The following FRMD4A variants were observed in gnomAD, a reference collection of about 807,000 sequenced individuals.
FRMD4A encodes the protein FERM domain-containing protein 4A.
A neutral mutation model predicts 129.1 loss-of-function variants in FRMD4A; 29 were observed. The ratio of observed to expected loss-of-function variants is 0.22; its 90% CI spans 0.17 to 0.31. The LOEUF (loss-of-function observed/expected upper bound fraction) is 0.31, where lower values mean the gene tolerates loss of function less well. FRMD4A is among the 10% of genes least tolerant of loss of function. The pLI is 1.00. For missense variants in FRMD4A, 1,272 were observed against 1,375.8 expected, an observed-to-expected ratio of 0.92 and a Z score of 1.19; for synonymous variants, 634 against 571.6, an observed-to-expected ratio of 1.11 and a Z score of -1.56.
intron 2 of FRMD4A, among the ~76,000 whole-genome samples, chr10:14,299,435 T>C (rs921868740): frequency 2.6e-5 from 4 of 152,162 alleles, no homozygotes; most frequent in Admixed American, 1.3e-4. Context: ...GGGTACCTGC[T>C]ATAGCCTGGT....
chr10:13,659,440 C>T lies in FRMD4A; in HGVS notation c.1949G>A (p.Gly650Glu). The change falls in exon 21 of 25, where the codon GGA becomes GAA. Residue 650 changes from glycine to glutamate, a missense_variant. Physicochemically the swap from Gly to Glu is moderately conservative, Grantham distance 98 (BLOSUM62 -2). Coordinates refer to ENST00000357447, the MANE Select transcript of FRMD4A (RefSeq NM_018027.5). Reference protein sequence around the residue: ...STGSCAEAGGGSNSLQNSPIR... With the variant: ...STGSCAEAGGESNSLQNSPIR... ...GGGGCTGTTCTGCAAGGAGTTGCTTCCTCCGCCGGCTTCCGCACAGCTTCC... is the reference window on the plus strand; with the variant it reads ...GGGGCTGTTCTGCAAGGAGTTGCTTTCTCCGCCGGCTTCCGCACAGCTTCC... 6.2e-7 allele frequency: 1 copy of T among 1,613,912 alleles called. No homozygotes were observed. The highest frequency in any genetic ancestry group is 1.1e-5 in the South Asian group (1 of 91,060).
chr10:14,185,645 A>T (rs550176761), intron 2 of FRMD4A, among the ~76,000 whole-genome samples: 1 of 152,220 alleles, frequency 6.6e-6, no homozygotes, highest in African/African-American at 2.4e-5. Flanking sequence ...AGAGAGCTGC[A>T]GGGGCGGTTG....
intron 2 of FRMD4A, among the ~76,000 whole-genome samples, chr10:14,173,028 GA>G (rs78851300): frequency 4.0e-5 from 6 of 150,750 alleles, no homozygotes; most frequent in East Asian, 2.0e-4. Flanking sequence ...TAACCAGCAG[GA>G]AAAAAAAATG....
chr10:13,693,471 G>C (rs1018020745), intron 15 of FRMD4A: 2 of 1,125,760 alleles, frequency 1.8e-6, no homozygotes, highest in African/African-American at 1.7e-5. Flanking sequence ...TTAAAAGCCG[G>C]AGAAACCCAC....
intron 2 of FRMD4A, among the ~76,000 whole-genome samples, chr10:14,260,192 C>G (rs1431149730): frequency 6.6e-6 from 1 of 152,162 alleles, no homozygotes; most frequent in Non-Finnish European, 1.5e-5. Flanking sequence ...CAGACCCCAG[C>G]ATGCCATGAT....
intron 2 of FRMD4A, among the ~76,000 whole-genome samples, chr10:14,269,149 G>C (rs1462860110): frequency 1.3e-5 from 2 of 152,172 alleles, no homozygotes; most frequent in Non-Finnish European, 2.9e-5. Flanking sequence ...TATTCCTGGA[G>C]TAGTAAAGGC....
chr10:13,781,564 G>A (rs2092736471), intron 6 of FRMD4A, among the ~76,000 whole-genome samples: 1 of 151,810 alleles, frequency 6.6e-6, no homozygotes, highest in Non-Finnish European at 1.5e-5. Context: ...TTTTAATAGA[G>A]ATGGGGTTCC....
At chr10:14,109,350 T>G (rs1453132070) in intron 2 of FRMD4A, among the ~76,000 whole-genome samples, 2 of 152,336 alleles carry the variant, frequency 1.3e-5, no homozygotes, top group Middle Eastern at 3.4e-3. Flanking sequence ...ATTTCCAGTT[T>G]GTTTCACTGT....
intron 2 of FRMD4A, among the ~76,000 whole-genome samples, chr10:14,075,353 C>A (rs1010666951): frequency 1.3e-5 from 2 of 152,198 alleles, no homozygotes; most frequent in Non-Finnish European, 2.9e-5. Context: ...ACCTCCACAA[C>A]CATGTTTAAC....
chr10:14,117,438 C>A (rs766214083), intron 2 of FRMD4A, among the ~76,000 whole-genome samples: 12 of 152,244 alleles, frequency 7.9e-5, no homozygotes, highest in Non-Finnish European at 1.5e-4. Flanking sequence ...CTAGCAGGAG[C>A]CCCATTTCCT....
chr10:14,160,045 G>A (rs1249386788), intron 2 of FRMD4A, among the ~76,000 whole-genome samples: 1 of 151,864 alleles, frequency 6.6e-6, no homozygotes, highest in African/African-American at 2.4e-5. Flanking sequence ...GCAAGACTCC[G>A]TCTCCAAAAA....
chr10:13,898,205 T>A (rs2094780059), intron 2 of FRMD4A, among the ~76,000 whole-genome samples: 1 of 151,918 alleles, frequency 6.6e-6, no homozygotes, highest in Non-Finnish European at 1.5e-5. Context: ...AAAGCCAGTC[T>A]CTACTAAAAA....
At chr10:13,868,805 C>CA (rs1478938602) in intron 2 of FRMD4A, among the ~76,000 whole-genome samples, 2 of 152,026 alleles carry the variant, frequency 1.3e-5, no homozygotes, top group South Asian at 4.2e-4. Context: ...TCTCAAAAAA[C>CA]AAAAAACAAA....
chr10:14,054,763 C>T (rs891629604), intron 2 of FRMD4A, among the ~76,000 whole-genome samples: 1 of 152,170 alleles, frequency 6.6e-6, no homozygotes, highest in African/African-American at 2.4e-5. Flanking sequence ...TGGGAGGGAC[C>T]TCGTGGGAGG....
chr10:13,998,197 G>A (rs1363217547), intron 2 of FRMD4A, among the ~76,000 whole-genome samples: 2 of 152,060 alleles, frequency 1.3e-5, no homozygotes, highest in Non-Finnish European at 2.9e-5. Context: ...TAGTCCTCTA[G>A]CTTTAAATGC....
chr10:14,271,898 G>T (rs1845174566), intron 2 of FRMD4A, among the ~76,000 whole-genome samples: 1 of 152,160 alleles, frequency 6.6e-6, no homozygotes, highest in African/African-American at 2.4e-5. Context: ...CGGCATTTAT[G>T]AAGTCTTATC....
At chr10:14,235,438 G>A (rs937177187) in intron 2 of FRMD4A, among the ~76,000 whole-genome samples, 8 of 151,994 alleles carry the variant, frequency 5.3e-5, no homozygotes, top group Non-Finnish European at 8.8e-5. Flanking sequence ...GTGAGCCACC[G>A]CGCCCGGCCG....
chr10:13,712,685 C>T (rs905677389), intron 12 of FRMD4A, among the ~76,000 whole-genome samples: 5 of 152,152 alleles, frequency 3.3e-5, no homozygotes, highest in Admixed American at 6.6e-5. Flanking sequence ...CTAGACTTGC[C>T]GTGACTCCCA....
At chr10:13,801,875 G>GTC (rs2093261982) in intron 4 of FRMD4A, among the ~76,000 whole-genome samples, 1 of 152,118 alleles carries the variant, frequency 6.6e-6, no homozygotes, top group South Asian at 2.1e-4. Context: ...GATGGAATGG[G>GTC]ACGAAAAGTC....
Sources: allele counts gnomAD v4.1 joint callset (sites outside exome capture counted in the v4.1 genomes callset), GRCh38; gene constraint gnomAD v4.1.1; transcripts MANE v1.5; gene names NCBI Gene and HGNC (gene_info 2026-07-23, HGNC 2026-07-21).